The following LAIR2 variants were observed in gnomAD, a reference collection of about 807,000 sequenced individuals.
LAIR2 encodes the protein leukocyte associated immunoglobulin like receptor 2.
LAIR2 carries 14 observed loss-of-function variants against 14.8 expected under a neutral mutation model. That is an observed-to-expected ratio of 0.95 (90% CI 0.62 to 1.48). LAIR2 has a LOEUF of 1.48. Among genes scored for constraint, LAIR2 ranks in the 40% most tolerant of loss-of-function variants. The pLI is 0.00. For synonymous variants in LAIR2, 75 were observed against 74.5 expected, an observed-to-expected ratio of 1.01 and a Z score of -0.03; for missense variants, 172 against 180.9, an observed-to-expected ratio of 0.95 and a Z score of 0.28.
chr19:54,504,607 TTTTG>T (rs764754726), intron 2 of LAIR2, among the ~76,000 whole-genome samples: 46 of 152,186 alleles, frequency 3.0e-4, no homozygotes, highest in African/African-American at 1.1e-3. Flanking sequence ...AGATGACCTT[TTTTG>T]TTTGTTTGTT....
At chr19:54,507,743 C>A in intron 2 of LAIR2, 148 bp from the exon 3 acceptor site, 2 of 735,890 alleles carry the variant, frequency 2.7e-6, no homozygotes, top group Non-Finnish European at 4.7e-6. Flanking sequence ...GTGCAGGAGG[C>A]GTGGGAATGT....
chr19:54,503,048 G>T, intron 1 of LAIR2, 96 bp downstream of exon 1: 2 of 1,216,156 alleles, frequency 1.6e-6, no homozygotes, highest in East Asian at 4.7e-5. Flanking sequence ...AGATTCTGGG[G>T]AGGAAAGTGT....
Position 54,507,601 on chromosome 19 carries a change from T to C in LAIR2, c.71-290T>C, listed in dbSNP as rs1220358881. Reference sequence around the variant, plus strand: ...GTGGCCCTGGGCTCTGCAGCAGGCATGAAGGGCTCCAGGCTGCTCCGACAC... The same window carrying C: ...GTGGCCCTGGGCTCTGCAGCAGGCACGAAGGGCTCCAGGCTGCTCCGACAC... On this transcript the variant is annotated intron_variant, in intron 2 of 4. Coordinates refer to ENST00000301202, the MANE Select transcript of LAIR2 (RefSeq NM_002288.6). Among the ~76,000 whole-genome samples the C allele has an allele frequency of 2.0e-5, 3 of 152,084 alleles. No homozygotes were observed. The East Asian group carries it at 5.8e-4, about 29-fold the overall frequency.
chr19:54,505,174 C>T (rs184449791), intron 2 of LAIR2, among the ~76,000 whole-genome samples: 128 of 152,218 alleles, frequency 8.4e-4, no homozygotes, highest in African/African-American at 2.8e-3. Context: ...CAGGCATCAC[C>T]TCCACACACC....
chr19:54,507,337 GGGCTGGGCATCTGC>G (rs2085383220), intron 2 of LAIR2, among the ~76,000 whole-genome samples: 2 of 151,094 alleles, frequency 1.3e-5, no homozygotes, highest in Admixed American at 6.6e-5. Context: ...GACCTGTCAC[GGGCTGGGCATCTGC>G]TGTGAGCAGA....
chr19:54,503,074 A>G lies in LAIR2; in HGVS notation c.34+122A>G. On this transcript the variant is annotated intron_variant, in intron 1 of 4. Coordinates refer to ENST00000301202, the MANE Select transcript of LAIR2 (RefSeq NM_002288.6). The stretch of plus-strand genomic sequence containing the variant: ...AGGAAAGTGTCCTCCTCCCCCCAAG[A>G]CTGCCCTACTGCTCTCCCTGGGGCC... 4 of 879,742 alleles carry G rather than the reference A, an allele frequency of 4.5e-6. No individual in the cohort carries two copies. The South Asian group carries it at 6.4e-5, about 14-fold the overall frequency. The allele number at this position is 879,742 out of a possible 1,614,324, so 54.5% of individuals were successfully genotyped here. A position where few individuals can be genotyped will look rare whatever the true frequency, so the allele number is the denominator to read the frequency against.
intron 2 of LAIR2, among the ~76,000 whole-genome samples, chr19:54,506,914 G>A (rs2123396097): frequency 6.6e-6 from 1 of 152,158 alleles, no homozygotes; most frequent in East Asian, 1.9e-4. Flanking sequence ...TCGCTAAGAG[G>A]GCAGATTTTA....
Position 54,508,101 on chromosome 19 carries a change from G to C in LAIR2, c.281G>C (p.Gly94Ala). Reference sequence around the variant, plus strand: ...TTCCACATTGACTCAGTAAGTGAAGGAAATGCCGGGCTTTATCGCTGCCTC... The same window carrying C: ...TTCCACATTGACTCAGTAAGTGAAGCAAATGCCGGGCTTTATCGCTGCCTC... ...ARFHIDSVSE[G>A]NAGLYRCLYY... is the part of the protein sequence containing the mutation. Residue 94 changes from glycine (G) to alanine (A), a missense_variant, in exon 3 of 5, where the codon GGA becomes GCA. Coordinates refer to ENST00000301202, the MANE Select transcript of LAIR2 (RefSeq NM_002288.6). The C allele has an allele frequency of 6.2e-7, 1 of 1,614,168 alleles. No individual in the cohort carries two copies. The highest frequency in any genetic ancestry group is 8.5e-7 in the Non-Finnish European group (1 of 1,180,018).
At chr19:54,506,739 G>A (rs1054713926) in intron 2 of LAIR2, among the ~76,000 whole-genome samples, 1 of 152,208 alleles carries the variant, frequency 6.6e-6, no homozygotes, top group African/African-American at 2.4e-5. Flanking sequence ...TAAACAGATT[G>A]ATAAGTAACT....
intron 3 of LAIR2, 109 bp downstream of exon 3, chr19:54,508,293 C>A: frequency 1.8e-6 from 2 of 1,128,112 alleles, no homozygotes; most frequent in Non-Finnish European, 2.5e-6. Flanking sequence ...GCCACCGTTG[C>A]CCTCTTCCTG....
rs375967140 is a variant in LAIR2, at chr19:54,502,912, C to A, written c.-7C>A. On this transcript the variant is annotated 5_prime_UTR_variant, in exon 1 of 5. Transcript: ENST00000301202. ...TGTGTCTGCTGCAGAGTTCTGGGAC[C>A]GGGGCCATGTCTCCACACCTCACTG... 5.0e-6 allele frequency: 8 copies of A among 1,613,938 alleles called. No homozygotes were observed. The highest frequency in any genetic ancestry group is 1.6e-4 in the Middle Eastern group (1 of 6,084).
chr19:54,506,030 G>A (rs1568447768), intron 2 of LAIR2, among the ~76,000 whole-genome samples: 1 of 152,130 alleles, frequency 6.6e-6, no homozygotes, highest in East Asian at 1.9e-4. Context: ...TCACCATGTT[G>A]ATCAGGCTGG....
intron 2 of LAIR2, among the ~76,000 whole-genome samples, chr19:54,505,061 T>C (rs8100192): frequency 0.66 from 100,341 of 151,972 alleles, 34,033 homozygotes; most frequent in Middle Eastern, 0.75. Context: ...ATTGCATATA[T>C]ACACCACATT....
At chr19:54,503,656 A>G in intron 1 of LAIR2, 44 bp from the exon 2 acceptor site, 2 of 1,613,058 alleles carry the variant, frequency 1.2e-6, no homozygotes, top group Non-Finnish European at 1.7e-6. Context: ...CCCTGTAAGG[A>G]GACTGGGCAG....
At chr19:54,505,126 T>C (rs2085341348) in intron 2 of LAIR2, among the ~76,000 whole-genome samples, 1 of 152,164 alleles carries the variant, frequency 6.6e-6, no homozygotes, top group Non-Finnish European at 1.5e-5. Flanking sequence ...TTCCAGGTCT[T>C]GGCAGCTGTG....
chr19:54,508,277 T>C (rs1399707700), intron 3 of LAIR2, 93 bp downstream of exon 3: 1 of 1,305,866 alleles, frequency 7.7e-7, no homozygotes, highest in Non-Finnish European at 1.1e-6. Flanking sequence ...CTGTCCTCTC[T>C]CTGTGGCCAC....
At position 54,508,208 on chromosome 19, in the gene LAIR2, C is replaced by G. The variant is rs367564155; in HGVS notation, c.364+24C>G. 56 of 1,595,396 alleles carry G rather than the reference C, an allele frequency of 3.5e-5. No homozygotes were observed. In the African/African-American group the frequency reaches 7.4e-4, roughly 21 times the overall value. ...AGGTGAGGACGTCACCTGGGCCCTGCCCCAGTCTCAGCTCGACCCTCGAGC... is the reference window on the plus strand; with the variant it reads ...AGGTGAGGACGTCACCTGGGCCCTGGCCCAGTCTCAGCTCGACCCTCGAGC... On this transcript the variant is annotated intron_variant, in intron 3 of 4. Coordinates refer to ENST00000301202, the MANE Select transcript of LAIR2 (RefSeq NM_002288.6).
intron 2 of LAIR2, among the ~76,000 whole-genome samples, chr19:54,505,797 C>T (rs1401837384): frequency 6.6e-6 from 1 of 151,588 alleles, no homozygotes; most frequent in Non-Finnish European, 1.5e-5. Context: ...TGCCGCTCAA[C>T]ATGGTGGTTC....
intron 2 of LAIR2, among the ~76,000 whole-genome samples, chr19:54,504,593 T>C (rs1231150643): frequency 6.6e-6 from 1 of 152,096 alleles, no homozygotes; most frequent in Non-Finnish European, 1.5e-5. Context: ...TCTCTAACTC[T>C]GTGAGATGAC....
Sources: gnomAD v4.1 joint callset for allele counts (sites outside exome capture counted in the v4.1 genomes callset) on GRCh38, gnomAD v4.1.1 for gene constraint, MANE v1.5 for transcripts, NCBI Gene and HGNC (gene_info 2026-07-23, HGNC 2026-07-21) for gene names.